TBC1D4: variants seen among roughly 807,000 people sequenced by gnomAD.
TBC1D4 encodes TBC (Tre-2, BUB2, CDC16) domain-containing protein.
A neutral mutation model predicts 142.5 loss-of-function variants in TBC1D4; 121 were observed. The ratio of observed to expected loss-of-function variants is 0.85; its 90% CI spans 0.73 to 0.99. The LOEUF (loss-of-function observed/expected upper bound fraction) is 0.99. Ranked by LOEUF, TBC1D4 falls within the 50% of genes least tolerant of loss-of-function variation. TBC1D4 has a pLI of 0.00. For synonymous variants in TBC1D4, 630 were observed against 628.2 expected (o/e 1.00, Z -0.04); for missense variants, 1,475 against 1,606.6 (o/e 0.92, Z 1.40).
chr13:75,320,135 C>T (rs868114546), intron 11 of TBC1D4, 98 bp from the exon 12 acceptor site: 1 of 1,325,038 alleles, frequency 7.5e-7, no homozygotes, highest in Non-Finnish European at 1.1e-6. Flanking sequence ...ATCAATAAGT[C>T]ATGGTAAGGT....
At chr13:75,466,295 A>G (rs1888162924) in intron 1 of TBC1D4, among the ~76,000 whole-genome samples, 1 of 152,208 alleles carries the variant, frequency 6.6e-6, no homozygotes, top group Admixed American at 6.5e-5. Context: ...TACAGTGAAC[A>G]TGTTCAAAAC....
chr13:75,443,340 T>C (rs1396254961), intron 1 of TBC1D4, among the ~76,000 whole-genome samples: 2 of 152,230 alleles, frequency 1.3e-5, no homozygotes, highest in African/African-American at 4.8e-5. Context: ...AGTATTTTTG[T>C]TATAATCCCC....
intron 1 of TBC1D4, among the ~76,000 whole-genome samples, chr13:75,423,137 AGC>A (rs1284587598): frequency 6.6e-6 from 1 of 152,220 alleles, no homozygotes; most frequent in Non-Finnish European, 1.5e-5. Flanking sequence ...TAGAAACATT[AGC>A]CCAAAGTTAT....
At chr13:75,475,218 C>G (rs954681569) in intron 1 of TBC1D4, among the ~76,000 whole-genome samples, 3 of 152,184 alleles carry the variant, frequency 2.0e-5, no homozygotes, top group Non-Finnish European at 4.4e-5. Flanking sequence ...GTTGGCACAT[C>G]CCAGTGAGGT....
chr13:75,393,903 G>A (rs1476110055), intron 1 of TBC1D4, among the ~76,000 whole-genome samples: 1 of 145,868 alleles, frequency 6.9e-6, no homozygotes, highest in Non-Finnish European at 1.5e-5. Flanking sequence ...CTCCAGCCTG[G>A]GCAACAAGAG....
chr13:75,328,946 A>G (rs1250108976), intron 8 of TBC1D4, among the ~76,000 whole-genome samples: 2 of 151,884 alleles, frequency 1.3e-5, no homozygotes, highest in African/African-American at 4.8e-5. Context: ...TCTGAATCCC[A>G]CTCCCCAAAA....
chr13:75,409,803 CGAACCCTTTGCTA>C, intron 1 of TBC1D4, among the ~76,000 whole-genome samples: 1 of 152,256 alleles, frequency 6.6e-6, no homozygotes, highest in Admixed American at 6.5e-5. Flanking sequence ...ATAAATTTAG[CGAACCCTTTGCTA>C]GATAGCTATA....
At chr13:75,460,900 G>T (rs1356152375) in intron 1 of TBC1D4, among the ~76,000 whole-genome samples, 1 of 152,094 alleles carries the variant, frequency 6.6e-6, no homozygotes, top group Non-Finnish European at 1.5e-5. Flanking sequence ...TCCAGCCTGG[G>T]TAACAGAGCA....
intron 1 of TBC1D4, among the ~76,000 whole-genome samples, chr13:75,371,892 C>T (rs1883243005): frequency 1.3e-5 from 2 of 151,986 alleles, no homozygotes; most frequent in Non-Finnish European, 2.9e-5. Flanking sequence ...TATTGTGTAC[C>T]TTCTCAAAAT....
chr13:75,417,437 G>C (rs530329552), intron 1 of TBC1D4, among the ~76,000 whole-genome samples: 2 of 152,160 alleles, frequency 1.3e-5, no homozygotes, highest in East Asian at 3.9e-4. Context: ...GCTCAAACTG[G>C]ATTTCATCTT....
rs1346500458 is a variant in TBC1D4 at position 75,349,304 on chromosome 13, T to C, written c.1276-2A>G. 4 of 1,613,626 alleles carry C rather than the reference T, an allele frequency of 2.5e-6. No homozygotes were observed. In the Admixed American group the frequency reaches 5.0e-5, roughly 20 times the overall value. On this transcript the variant is annotated splice_acceptor_variant, in intron 4 of 20. Coordinates refer to ENST00000377636, the MANE Select transcript of TBC1D4 (RefSeq NM_014832.5). LOFTEE classifies it high-confidence loss of function. ...CAGAGTCAGCATTACCTCATCAACCTACAGGAAGAAACAAAACTCAGGTCT... is the reference window on the plus strand; with the variant it reads ...CAGAGTCAGCATTACCTCATCAACCCACAGGAAGAAACAAAACTCAGGTCT...
chr13:75,437,776 T>C (rs1025853525), intron 1 of TBC1D4, among the ~76,000 whole-genome samples: 1 of 152,144 alleles, frequency 6.6e-6, no homozygotes, highest in Non-Finnish European at 1.5e-5. Context: ...AATTCCTCTA[T>C]AAAACAGAGC....
rs769785961 is a variant in TBC1D4, at chr13:75,481,391, A to T, written c.377T>A (p.Ile126Asn). 1.7e-5 allele frequency: 27 copies of T among 1,613,730 alleles called. No homozygotes were observed. Among genetic ancestry groups the T allele is most frequent in the Admixed American group, 5.0e-5 (3 of 59,988 alleles). The change falls in exon 1 of 21, where the codon ATC (isoleucine) becomes AAC (asparagine). Residue 126 changes from isoleucine to asparagine, a missense_variant. Physicochemically the swap from Ile to Asn is moderately radical, Grantham distance 149. Transcript: ENST00000377636. ...VFIFEHKAQH[I>N]SRFIHNSHDL... Reference sequence around the variant, plus strand: ...GTGGCTGTTGTGGATGAAGCGCGAGATATGCTGCGCCTTGTGCTCGAAGAT... The same window carrying T: ...GTGGCTGTTGTGGATGAAGCGCGAGTTATGCTGCGCCTTGTGCTCGAAGAT...
At chr13:75,472,493 T>A (rs1247222801) in intron 1 of TBC1D4, among the ~76,000 whole-genome samples, 1 of 152,160 alleles carries the variant, frequency 6.6e-6, no homozygotes, top group Non-Finnish European at 1.5e-5. Context: ...CACCACTATG[T>A]TCATGCCAAC....
intron 18 of TBC1D4, among the ~76,000 whole-genome samples, chr13:75,293,196 G>T (rs955952588): frequency 6.6e-6 from 1 of 152,138 alleles, no homozygotes; most frequent in Non-Finnish European, 1.5e-5. Context: ...CAAGTACTTA[G>T]TACTTTTTTA....
At chr13:75,471,646 G>A (rs750924467) in intron 1 of TBC1D4, among the ~76,000 whole-genome samples, 10 of 152,082 alleles carry the variant, frequency 6.6e-5, no homozygotes, top group Non-Finnish European at 1.3e-4. Flanking sequence ...GCCGAGGCAG[G>A]AGAATTGCTT....
chr13:75,352,575 A>G (rs1881687435), intron 4 of TBC1D4, among the ~76,000 whole-genome samples: 1 of 152,198 alleles, frequency 6.6e-6, no homozygotes, highest in African/African-American at 2.4e-5. Context: ...GTTAAACAAG[A>G]TGAAGCTGCT....
At chr13:75,296,271 C>A (rs544235527) in intron 17 of TBC1D4, among the ~76,000 whole-genome samples, 4 of 151,718 alleles carry the variant, frequency 2.6e-5, no homozygotes, top group Non-Finnish European at 5.9e-5. Flanking sequence ...TTCCTTTAGA[C>A]CATTTACATC....
At chr13:75,436,801 A>T (rs183114913) in intron 1 of TBC1D4, among the ~76,000 whole-genome samples, 25 of 152,318 alleles carry the variant, frequency 1.6e-4, no homozygotes, top group African/African-American at 5.8e-4. Flanking sequence ...ACAAGTAAAA[A>T]AATTTTATTA....
Sources: allele counts gnomAD v4.1 joint callset (sites outside exome capture counted in the v4.1 genomes callset), GRCh38; gene constraint gnomAD v4.1.1; transcripts MANE v1.5; gene names NCBI Gene and HGNC (gene_info 2026-07-23, HGNC 2026-07-21).